The following PRMT9 variants were observed in gnomAD, a reference collection of about 807,000 sequenced individuals.
The protein encoded by PRMT9 is protein arginine N-methyltransferase 9.
Under a neutral mutation model 83.2 loss-of-function variants are expected in PRMT9, and 59 were observed. The observed-to-expected ratio is 0.71, with a 90% CI of 0.57 to 0.88. PRMT9 has a LOEUF of 0.88. Among genes scored for constraint, PRMT9 ranks in the 40% least tolerant of loss-of-function variants. The pLI, the probability that PRMT9 is intolerant of heterozygous loss-of-function variation, is 0.00. For missense variants in PRMT9, 947 were observed against 1,021.9 expected, an observed-to-expected ratio of 0.93 and a Z score of 1.00; for synonymous variants, 333 against 353.2, an observed-to-expected ratio of 0.94 and a Z score of 0.64.
intron 6 of PRMT9, among the ~76,000 whole-genome samples, chr4:147,667,031 G>C (rs1735393515): frequency 6.6e-6 from 1 of 152,008 alleles, no homozygotes; most frequent in African/African-American, 2.4e-5. Context: ...CCTTTGCTTA[G>C]ACAAACAATA....
chr4:147,640,112 C>G (rs1733298670), intron 10 of PRMT9, among the ~76,000 whole-genome samples: 1 of 117,652 alleles, frequency 8.5e-6, no homozygotes, highest in Admixed American at 1.2e-4. Context: ...TCACTCTGTT[C>G]CCCAGGCTGG....
At chr4:147,648,073 T>TA in intron 9 of PRMT9, among the ~76,000 whole-genome samples, 1 of 152,296 alleles carries the variant, frequency 6.6e-6, no homozygotes, top group South Asian at 2.1e-4. Context: ...TATAATAAGA[T>TA]ACATATATAT....
chr4:147,657,898 A>T lies in PRMT9; in HGVS notation c.1224T>A (p.Ile408=), dbSNP rs769793866. The T allele has an allele frequency of 1.2e-6, 2 of 1,608,686 alleles. No homozygotes were observed. The highest frequency in any genetic ancestry group is 1.7e-6 in the Non-Finnish European group (2 of 1,178,256). Reference sequence around the variant, plus strand: ...CAAGCTGGAGCACAAACCAAACCATAATAGCATCTAGTATGCCTTCTTTAA... The same window carrying T: ...CAAGCTGGAGCACAAACCAAACCATTATAGCATCTAGTATGCCTTCTTTAA... ...PVIKEGILDA[I]MVWFVLQLDD... Residue 408 remains isoleucine (I), a synonymous_variant, in exon 8 of 12, where the codon ATT becomes ATA. Transcript: ENST00000322396.
intron 7 of PRMT9, among the ~76,000 whole-genome samples, chr4:147,660,092 T>C (rs1257680891): frequency 6.6e-6 from 1 of 152,144 alleles, no homozygotes; most frequent in East Asian, 1.9e-4. Flanking sequence ...TTTTGTTAAT[T>C]TGAAATGGCA....
chr4:147,683,501 C>A (rs1266223922), intron 1 of PRMT9, among the ~76,000 whole-genome samples: 1 of 152,100 alleles, frequency 6.6e-6, no homozygotes, highest in Non-Finnish European at 1.5e-5. Flanking sequence ...AAGGTGAAGA[C>A]GGCAGGATTT....
In PRMT9 at chr4:147,638,571, C is replaced by A. The variant is rs149853203; in HGVS notation, c.2499G>T (p.Gln833His). 1.2e-6 allele frequency: 2 copies of A among 1,613,734 alleles called. No individual in the cohort carries two copies. The highest frequency in any genetic ancestry group is 2.7e-5 in the African/African-American group (2 of 74,896). ...EMGEELVLSI[Q>H]HHKSNVSITV... The stretch of plus-strand genomic sequence containing the variant: ...TGATGCTGACATTGCTTTTGTGATG[C>A]TGAATGCTGAGTACAAGTTCCTCTC... The change falls in exon 12 of 12, where the codon CAG becomes CAT. Residue 833 changes from glutamine to histidine, a missense_variant. Physicochemically the swap from Gln to His is conservative, Grantham distance 24. Transcript: ENST00000322396.
chr4:147,649,315 T>TC (rs1050019706), intron 9 of PRMT9, among the ~76,000 whole-genome samples: 2 of 151,656 alleles, frequency 1.3e-5, no homozygotes, highest in African/African-American at 2.4e-5. Context: ...CCTGACCTCA[T>TC]CCCCCCTTAA....
chr4:147,670,712 C>A lies in PRMT9; in HGVS notation c.775G>T (p.Ala259Ser). 1 of 1,613,048 alleles carries A rather than the reference C, an allele frequency of 6.2e-7. No individual in the cohort carries two copies. The change falls in exon 5 of 12, where the codon GCA becomes TCA. Residue 259 changes from alanine (A) to serine (S), a missense_variant. Coordinates refer to ENST00000322396, the MANE Select transcript of PRMT9 (RefSeq NM_138364.4). Reference protein sequence around the residue: ...VSLVVTETVDAGLFGEGIVES... With the variant: ...VSLVVTETVDSGLFGEGIVES... ...ACAATTCCTTCTCCAAATAAACCTG[C>A]ATCGACAGTTTCTGTTACAACTAGG...
rs766343764 is a variant in PRMT9 at position 147,642,836 on chromosome 4, G to C, written c.2150C>G (p.Thr717Arg). 120 of 1,613,678 alleles carry C rather than the reference G, an allele frequency of 7.4e-5. 1 individual carries two copies. The highest frequency in any genetic ancestry group is 6.8e-6 in the Non-Finnish European group (8 of 1,179,702). ...TLLEENAVQG[T>R]ERTLGLNIAP... ...TATATTTAATCCAAGAGTACGTTCT[G>C]TTCCTTGAACAGCATTCTCCTCTAG... Residue 717 changes from threonine (T) to arginine (R), a missense_variant, in exon 10 of 12, where the codon ACA (threonine) becomes AGA (arginine). Physicochemically the swap from Thr to Arg is moderately conservative, Grantham distance 71. Coordinates refer to ENST00000322396, the MANE Select transcript of PRMT9 (RefSeq NM_138364.4).
At position 147,668,523 on chromosome 4, in the gene PRMT9, G is replaced by C. The variant is rs1237109257; in HGVS notation, c.953+16C>G. ...AGGTGCTTTATAGCAGTGTGAAAAT[G>C]GACTAATACACTTACCTATGATGTC... On this transcript the variant is annotated intron_variant, in intron 6 of 11. Transcript: ENST00000322396. 2.8e-6 allele frequency: 4 copies of C among 1,420,728 alleles called. No homozygotes were observed. In the South Asian group the frequency reaches 4.6e-5, roughly 16 times the overall value. The allele number at this position is 1,420,728 out of a possible 1,614,324, so 88.0% of individuals were successfully genotyped here.
chr4:147,669,067 C>T (rs746788774), intron 5 of PRMT9, among the ~76,000 whole-genome samples: 3 of 151,592 alleles, frequency 2.0e-5, no homozygotes, highest in Non-Finnish European at 4.4e-5. Flanking sequence ...GCCTGGGCTA[C>T]AGAGCAAGAC....
At chr4:147,649,588 T>G (rs1733961164) in intron 9 of PRMT9, among the ~76,000 whole-genome samples, 1 of 152,136 alleles carries the variant, frequency 6.6e-6, no homozygotes, top group East Asian at 1.9e-4. Context: ...CAGCAACCTC[T>G]GCCTCCAGGG....
intron 9 of PRMT9, among the ~76,000 whole-genome samples, chr4:147,648,969 CA>C (rs776551878): frequency 7.9e-5 from 12 of 152,178 alleles, no homozygotes; most frequent in Non-Finnish European, 1.2e-4. Context: ...TTGTTACTTA[CA>C]TTACTGCAAC....
rs752006546 is a variant in PRMT9, at chr4:147,638,724, T to C, written c.2346A>G (p.Arg782=). ...GATACCAAAATGGAATAGCAGTCAGTCTTCCAGATTTACAAACGTATACCT... is the reference window on the plus strand; with the variant it reads ...GATACCAAAATGGAATAGCAGTCAGCCTTCCAGATTTACAAACGTATACCT... ...EVKVYVCKSG[R]LTAIPFWYHM... Residue 782 remains arginine (R), a synonymous_variant, in exon 12 of 12, where the codon AGA becomes AGG. Transcript: ENST00000322396. The C allele has an allele frequency of 1.9e-6, 3 of 1,612,672 alleles. No homozygotes were observed. Among genetic ancestry groups the C allele is most frequent in the South Asian group, 2.2e-5 (2 of 91,048 alleles).
At chr4:147,680,494 A>G (rs1311188454) in intron 1 of PRMT9, 23 bp from the exon 2 acceptor site, 2 of 1,550,676 alleles carry the variant, frequency 1.3e-6, no homozygotes, top group South Asian at 2.3e-5. Flanking sequence ...GAAAAAAATT[A>G]TGAATTAGTC....
chr4:147,674,145 C>A (rs2126633284), intron 2 of PRMT9, among the ~76,000 whole-genome samples: 1 of 152,292 alleles, frequency 6.6e-6, no homozygotes, highest in South Asian at 2.1e-4. Context: ...CAGAAGCTCT[C>A]ACAGTCATCC....
chr4:147,674,262 A>T (rs1735929764), intron 2 of PRMT9, among the ~76,000 whole-genome samples: 1 of 152,162 alleles, frequency 6.6e-6, no homozygotes, highest in Non-Finnish European at 1.5e-5. Context: ...AACTGAGTTG[A>T]ATAGTCATCA....
chr4:147,647,775 G>A (rs1010770443), intron 9 of PRMT9, among the ~76,000 whole-genome samples: 8 of 151,854 alleles, frequency 5.3e-5, no homozygotes, highest in African/African-American at 1.5e-4. Flanking sequence ...CACCCACCTC[G>A]GCCTCCCAAA....
chr4:147,645,809 T>TCC (rs1733689870), intron 9 of PRMT9, among the ~76,000 whole-genome samples: 1 of 152,204 alleles, frequency 6.6e-6, no homozygotes, highest in Non-Finnish European at 1.5e-5. Context: ...GCAAGGAAAG[T>TCC]TAGAGATGAC....
Sources: allele counts gnomAD v4.1 joint callset (sites outside exome capture counted in the v4.1 genomes callset), GRCh38; gene constraint gnomAD v4.1.1; transcripts MANE v1.5; gene names NCBI Gene and HGNC (gene_info 2026-07-23, HGNC 2026-07-21).